The following DEAF1 variants were observed in gnomAD, a reference collection of about 807,000 sequenced individuals.
DEAF1 encodes deformed epidermal autoregulatory factor 1 homolog.
A neutral mutation model predicts 58.9 loss-of-function variants in DEAF1; 53 were observed. That is an observed-to-expected ratio of 0.90 (90% confidence interval 0.72 to 1.13). The LOEUF is 1.13. Ranked by LOEUF, DEAF1 falls within the 50% of genes most tolerant of loss-of-function variation. The pLI is 0.00. For synonymous variants in DEAF1, 385 were observed against 340.4 expected (o/e 1.13, Z -1.44); for missense variants, 685 against 791.4 (o/e 0.87, Z 1.61).
At chr11:667,197 C>T (rs1364309667) in intron 10 of DEAF1, among the ~76,000 whole-genome samples, 1 of 151,998 alleles carries the variant, frequency 6.6e-6, no homozygotes, top group Non-Finnish European at 1.5e-5. Context: ...TGGCCAGTGC[C>T]GGTAGTCCTA....
At chr11:673,170 TAAAG>T (rs912324764) in intron 10 of DEAF1, among the ~76,000 whole-genome samples, 1 of 150,606 alleles carries the variant, frequency 6.6e-6, no homozygotes, top group Non-Finnish European at 1.5e-5. Context: ...TAAAGTAAAA[TAAAG>T]CAGCAGCTGA....
In DEAF1 at chr11:654,763, G is replaced by A. The variant is rs1028957188; in HGVS notation, c.1504-712C>T. On this transcript the variant is annotated intron_variant, in intron 10 of 11. Coordinates refer to ENST00000382409, the MANE Select transcript of DEAF1 (RefSeq NM_021008.4). ...GGCCACCTGTAATCCCAGCTACCTG[G>A]GAGGCTGAGGTGGGAGAATAGCTTG... 6 of 397,006 alleles carry A rather than the reference G, an allele frequency of 1.5e-5. No individual in the cohort carries two copies. The East Asian group carries it at 4.4e-4, about 29-fold the overall frequency. 24.6% of individuals were successfully genotyped at this position (397,006 alleles called of 1,614,324 possible).
At chr11:702,246 C>T (rs372333094) in intron 1 of DEAF1, among the ~76,000 whole-genome samples, 33 of 152,262 alleles carry the variant, frequency 2.2e-4, no homozygotes, top group Admixed American at 7.2e-4. Context: ...GTCTTGTCTG[C>T]ACTTACGTCC....
upstream of DEAF1, chr11:695,514 A>T: frequency 1.0e-6 from 1 of 977,054 alleles, no homozygotes; most frequent in Non-Finnish European, 1.3e-6. Context: ...TCTCAGAGAG[A>T]GCTTAGTGCC....
chr11:661,389 CT>C (rs1473401764), intron 10 of DEAF1, among the ~76,000 whole-genome samples: 3 of 151,932 alleles, frequency 2.0e-5, no homozygotes, highest in Admixed American at 6.6e-5. Flanking sequence ...TTCAGCTGGG[CT>C]ACATTTGATT....
Position 687,891 on chromosome 11 carries a change from T to A in DEAF1, c.664+20A>T, listed in dbSNP as rs766101482. The A allele has an allele frequency of 1.9e-6, 3 of 1,613,940 alleles. No individual in the cohort carries two copies. Among genetic ancestry groups the A allele is most frequent in the Non-Finnish European group, 2.5e-6 (3 of 1,180,000 alleles). ...TACAAAGGGGAATACAACTTTGGAG[T>A]CTGAAGTGGCAGTCCTCACCTGAGC... On this transcript the variant is annotated intron_variant, in intron 4 of 11. Coordinates refer to ENST00000382409, the MANE Select transcript of DEAF1 (RefSeq NM_021008.4).
chr11:669,154 A>C (rs1859694393), intron 10 of DEAF1, among the ~76,000 whole-genome samples: 1 of 128,848 alleles, frequency 7.8e-6, no homozygotes, highest in Non-Finnish European at 1.6e-5. Flanking sequence ...TTGTACAGAC[A>C]GGGTCTCACA....
At chr11:678,527 T>C in intron 9 of DEAF1, 167 bp downstream of exon 9, 1 of 1,023,990 alleles carries the variant, frequency 9.8e-7, no homozygotes, top group Non-Finnish European at 1.5e-6. Context: ...AGTAAAACTT[T>C]ATTTACAAAC....
rs1376588620 is a variant in DEAF1 at position 673,267 on chromosome 11, C to G, written c.1503+1269G>C. Among the ~76,000 whole-genome samples the G allele has an allele frequency of 2.0e-5, 3 of 152,202 alleles. No homozygotes were observed. The East Asian group carries it at 5.8e-4, about 29-fold the overall frequency. ...AGAAGCTGGGCATGGTGGCTCACAT[C>G]TGCAATCCCAGTACTTTAAGAGGCT... On this transcript the variant is annotated intron_variant, in intron 10 of 11. Coordinates refer to ENST00000382409, the MANE Select transcript of DEAF1 (RefSeq NM_021008.4).
chr11:704,934 G>A (rs1025715274), intron 1 of DEAF1: 8 of 346,578 alleles, frequency 2.3e-5, no homozygotes, highest in South Asian at 8.8e-5. Flanking sequence ...AGGGGTTGGC[G>A]TGTGTGACCC....
chr11:649,547 C>T (rs577448200), intron 11 of DEAF1, among the ~76,000 whole-genome samples: 32 of 151,944 alleles, frequency 2.1e-4, no homozygotes, highest in African/African-American at 7.7e-4. Context: ...TGGTGAAACC[C>T]TGTGTCTACT....
At chr11:665,995 T>TG (rs34776100) in intron 10 of DEAF1, 15,553 of 152,170 alleles carry the variant, frequency 0.1, 1,030 homozygotes, top group Admixed American at 0.17. Flanking sequence ...TCAGCAGAAA[T>TG]GGACGGCTGA....
intron 9 of DEAF1, among the ~76,000 whole-genome samples, chr11:677,842 A>G (rs981451714): frequency 1.1e-4 from 17 of 152,024 alleles, no homozygotes; most frequent in Non-Finnish European, 1.6e-4. Context: ...GTGCACCTGT[A>G]GTCCCAGCTA....
intron 10 of DEAF1, among the ~76,000 whole-genome samples, chr11:660,623 T>A (rs1429119996): frequency 6.6e-6 from 1 of 152,160 alleles, no homozygotes; most frequent in Non-Finnish European, 1.5e-5. Context: ...CTCCCGAGTA[T>A]CCCAAAGACG....
At chr11:704,523 A>C in intron 1 of DEAF1, 1 of 1,289,446 alleles carries the variant, frequency 7.8e-7, no homozygotes, top group Non-Finnish European at 1.0e-6. Flanking sequence ...CTCCCTCACC[A>C]GCGCCTGCAC....
At chr11:704,383 G>A (rs1276410231) in intron 1 of DEAF1, 2 of 1,142,470 alleles carry the variant, frequency 1.8e-6, no homozygotes, top group African/African-American at 3.2e-5. Flanking sequence ...CTTCGTGGAA[G>A]CGGTGGGAGC....
At chr11:669,125 C>CTTTTTTT (rs36167071) in intron 10 of DEAF1, among the ~76,000 whole-genome samples, 1 of 107,812 alleles carries the variant, frequency 9.3e-6, no homozygotes, top group African/African-American at 3.5e-5. Flanking sequence ...GCACCCGACC[C>CTTTTTTT]TTTTTTTTTT....
chr11:675,999 C>T lies in DEAF1; in HGVS notation c.1256-1216G>A, dbSNP rs1402473615. 5.1e-3 allele frequency among the ~76,000 whole-genome samples: 113 copies of T among 22,368 alleles called. 4 individuals are homozygous for T. Among genetic ancestry groups the T allele is most frequent in the Non-Finnish European group, 7.7e-3 (68 of 8,854 alleles). 14.7% of individuals were successfully genotyped at this position (22,368 alleles called of 152,430 possible). Reference sequence around the variant, plus strand: ...CCGACATCCCCCGGGGCACCTGGCACCCCCCGGCACCCGACACCCCCCAGC... The same window carrying T: ...CCGACATCCCCCGGGGCACCTGGCATCCCCCGGCACCCGACACCCCCCAGC... On this transcript the variant is annotated intron_variant, in intron 9 of 11. Coordinates refer to ENST00000382409, the MANE Select transcript of DEAF1 (RefSeq NM_021008.4).
chr11:681,220 G>A (rs910122757), intron 6 of DEAF1, 131 bp from the exon 7 acceptor site: 22 of 1,279,870 alleles, frequency 1.7e-5, no homozygotes, highest in South Asian at 3.7e-5. Context: ...GATGGTAAGC[G>A]CCCCTAAAGA....
Sources: allele counts gnomAD v4.1 joint callset (sites outside exome capture counted in the v4.1 genomes callset), GRCh38; gene constraint gnomAD v4.1.1; transcripts MANE v1.5; gene names NCBI Gene and HGNC (gene_info 2026-07-23, HGNC 2026-07-21).